Variants in FBXL13 observed in about 807,000 individuals in gnomAD.
The protein encoded by FBXL13 is F-box and leucine rich repeat protein 13, also known as F-box and leucine-rich repeat protein 13.
A neutral mutation model predicts 83.6 loss-of-function variants in FBXL13; 67 were observed. That is an observed-to-expected ratio of 0.80 (90% CI 0.66 to 0.98). The LOEUF is 0.98. FBXL13 is among the 50% of genes least tolerant of loss of function. FBXL13 has a pLI of 0.00. For missense variants in FBXL13, 822 were observed against 866.5 expected, an observed-to-expected ratio of 0.95 and a Z score of 0.64; for synonymous variants, 272 against 299.5, an observed-to-expected ratio of 0.91 and a Z score of 0.95.
chr7:102,960,058 G>A (rs1176555002), intron 8 of FBXL13, among the ~76,000 whole-genome samples: 3 of 152,014 alleles, frequency 2.0e-5, no homozygotes, highest in African/African-American at 4.8e-5. Context: ...GAATAGGTTT[G>A]AGGGAAGTGA....
chr7:102,835,062 T>C (rs1036948062), intron 17 of FBXL13, among the ~76,000 whole-genome samples: 1 of 152,232 alleles, frequency 6.6e-6, no homozygotes, highest in Non-Finnish European at 1.5e-5. Context: ...AAATGTATTG[T>C]ACTTTGAGAA....
chr7:102,921,003 T>C (rs186430815), intron 10 of FBXL13, among the ~76,000 whole-genome samples: 239 of 151,952 alleles, frequency 1.6e-3, no homozygotes, highest in African/African-American at 5.5e-3. Flanking sequence ...AATACAAATA[T>C]TAGCCTGGCG....
At chr7:102,957,413 A>G (rs1308763055) in intron 8 of FBXL13, among the ~76,000 whole-genome samples, 1 of 152,216 alleles carries the variant, frequency 6.6e-6, no homozygotes, top group African/African-American at 2.4e-5. Flanking sequence ...TAAATGTTAG[A>G]CCTAAAACCA....
At chr7:103,024,313 G>A (rs1793595749) in intron 6 of FBXL13, among the ~76,000 whole-genome samples, 1 of 151,886 alleles carries the variant, frequency 6.6e-6, no homozygotes, top group Non-Finnish European at 1.5e-5. Context: ...GATCACCTGA[G>A]GTCAGGAGTT....
chr7:103,032,019 G>C (rs929193993), intron 2 of FBXL13, among the ~76,000 whole-genome samples: 1 of 152,136 alleles, frequency 6.6e-6, no homozygotes, highest in Non-Finnish European at 1.5e-5. Flanking sequence ...AGAATGTTAA[G>C]TCCCAAATTT....
At chr7:102,997,570 C>G (rs1196947576) in intron 6 of FBXL13, among the ~76,000 whole-genome samples, 2 of 152,164 alleles carry the variant, frequency 1.3e-5, no homozygotes, top group Non-Finnish European at 2.9e-5. Context: ...TCTATCCCCC[C>G]ATACTCCCTA....
chr7:102,941,562 T>C (rs953714494), intron 8 of FBXL13, among the ~76,000 whole-genome samples: 3 of 152,140 alleles, frequency 2.0e-5, no homozygotes, highest in Non-Finnish European at 2.9e-5. Flanking sequence ...CCTGTCTTGA[T>C]AAATAGACTC....
chr7:102,988,111 G>A (rs923936992), intron 6 of FBXL13: 1 of 152,236 alleles, frequency 6.6e-6, no homozygotes, highest in Non-Finnish European at 1.5e-5. Context: ...AGGCAATGGG[G>A]ATATGTTATC....
At chr7:102,916,700 C>T (rs1332262665) in intron 10 of FBXL13, among the ~76,000 whole-genome samples, 1 of 152,056 alleles carries the variant, frequency 6.6e-6, no homozygotes, top group African/African-American at 2.4e-5. Flanking sequence ...TTTTCCCAGC[C>T]CAGAGAACAC....
chr7:102,971,252 C>T lies in FBXL13; in HGVS notation c.496-3135G>A, dbSNP rs745961409. ...AACATAAGGTGGAAGTCAGCAGAAA[C>T]TATCAATCTGAGATACCATATGCAA... On this transcript the variant is annotated intron_variant, in intron 6 of 19. Transcript: ENST00000313221. 2.2e-4 allele frequency among the ~76,000 whole-genome samples: 33 copies of T among 152,242 alleles called. 1 individual carries two copies. The highest frequency in any genetic ancestry group is 3.4e-3 in the Middle Eastern group (1 of 294).
At chr7:103,001,018 C>T (rs1790333969) in intron 6 of FBXL13, among the ~76,000 whole-genome samples, 2 of 152,156 alleles carry the variant, frequency 1.3e-5, no homozygotes, top group Non-Finnish European at 1.5e-5. Flanking sequence ...AATCATGGCT[C>T]ACTGAAGCCT....
intron 16 of FBXL13, among the ~76,000 whole-genome samples, chr7:102,874,562 T>G (rs1257490857): frequency 6.6e-6 from 1 of 152,164 alleles, no homozygotes; most frequent in Non-Finnish European, 1.5e-5. Flanking sequence ...GTTTTTTGTT[T>G]TTTGTTTTCT....
intron 16 of FBXL13, among the ~76,000 whole-genome samples, chr7:102,869,741 C>T (rs1171573483): frequency 6.6e-6 from 1 of 152,128 alleles, no homozygotes; most frequent in African/African-American, 2.4e-5. Context: ...AATGTTCTTT[C>T]CCCAATGTGT....
intron 6 of FBXL13, among the ~76,000 whole-genome samples, chr7:103,024,135 AAGAG>A (rs59206823): frequency 0.018 from 1,771 of 96,500 alleles, 37 homozygotes; most frequent in African/African-American, 0.043. Context: ...AAAAGTTAAA[AAGAG>A]AGAGAGAGAG....
intron 8 of FBXL13, chr7:102,934,146 G>A: frequency 6.2e-7 from 1 of 1,614,182 alleles, no homozygotes; most frequent in South Asian, 1.1e-5. Context: ...GTGCTGCCTG[G>A]TTGGCCTCAG....
chr7:102,987,952 T>C (rs1185669512), intron 6 of FBXL13: 1 of 152,178 alleles, frequency 6.6e-6, no homozygotes, highest in Admixed American at 6.6e-5. Flanking sequence ...AAGAGAGTGA[T>C]GGCTGGAGAT....
At chr7:103,016,784 G>A (rs528537547) in intron 6 of FBXL13, among the ~76,000 whole-genome samples, 74 of 152,294 alleles carry the variant, frequency 4.9e-4, no homozygotes, top group African/African-American at 1.6e-3. Context: ...GGGGAGGGGC[G>A]CCCGCCATTG....
chr7:102,958,561 T>TAAA (rs1491061691), intron 8 of FBXL13, among the ~76,000 whole-genome samples: 30 of 109,642 alleles, frequency 2.7e-4, no homozygotes, highest in African/African-American at 8.5e-4. Flanking sequence ...ATAATAATAA[T>TAAA]AATAATAAAA....
intron 1 of FBXL13, among the ~76,000 whole-genome samples, chr7:103,058,443 C>A (rs1797544842): frequency 6.6e-6 from 1 of 152,192 alleles, no homozygotes; most frequent in African/African-American, 2.4e-5. Context: ...CTACAGGGAC[C>A]TAACAAAAAG....
Sources: gnomAD v4.1 joint callset for allele counts (sites outside exome capture counted in the v4.1 genomes callset) on GRCh38, gnomAD v4.1.1 for gene constraint, MANE v1.5 for transcripts, NCBI Gene and HGNC (gene_info 2026-07-23, HGNC 2026-07-21) for gene names.